The following DNAH11 variants were observed in gnomAD, a reference collection of about 807,000 sequenced individuals.
The protein encoded by DNAH11 is axonemal beta dynein heavy chain 11.
In DNAH11, 442 loss-of-function variants were observed where a neutral mutation model predicts 526.0. That is an observed-to-expected ratio of 0.84 (90% CI 0.78 to 0.91). DNAH11 has a LOEUF of 0.91. Ranked by LOEUF, DNAH11 falls within the 40% of genes least tolerant of loss-of-function variation. The pLI, the probability that DNAH11 is intolerant of heterozygous loss-of-function variation, is 0.00. For synonymous variants in DNAH11, 2,461 were observed against 1,935.9 expected (o/e 1.27, Z -7.12); for missense variants, 6,989 against 5,448.7 (o/e 1.28, Z -8.90).
At chr7:21,646,896 C>G (rs534380326) in intron 28 of DNAH11, among the ~76,000 whole-genome samples, 39 of 152,216 alleles carry the variant, frequency 2.6e-4, no homozygotes, top group Middle Eastern at 3.4e-3. Flanking sequence ...CATTTTTAAG[C>G]AGCGTAAAGT....
At chr7:21,624,669 A>G (rs931472345) in intron 25 of DNAH11, among the ~76,000 whole-genome samples, 4 of 152,116 alleles carry the variant, frequency 2.6e-5, no homozygotes, top group African/African-American at 9.7e-5. Flanking sequence ...GCTGTTGAGT[A>G]TATTAGCTGT....
chr7:21,806,369 A>G (rs933773733), intron 62 of DNAH11, among the ~76,000 whole-genome samples: 1 of 152,240 alleles, frequency 6.6e-6, no homozygotes, highest in Admixed American at 6.5e-5. Context: ...TCTATGGCTG[A>G]GGAACAAAAG....
chr7:21,797,784 C>T lies in DNAH11; in HGVS notation c.10027-3353C>T, dbSNP rs573879763. On this transcript the variant is annotated intron_variant, in intron 61 of 81. Transcript: ENST00000409508. ...TTAAGAGTTACATGCCAAGGGCCAA[C>T]TTTTACCCAAACATTTGCCATTAAG... Among the ~76,000 whole-genome samples the T allele has an allele frequency of 1.2e-3, 183 of 152,214 alleles. 4 individuals are homozygous for T. The South Asian group carries it at 0.037, about 31-fold the overall frequency.
intron 76 of DNAH11, among the ~76,000 whole-genome samples, chr7:21,887,566 A>T (rs1430816400): frequency 6.6e-6 from 1 of 152,230 alleles, no homozygotes; most frequent in Non-Finnish European, 1.5e-5. Flanking sequence ...CCTTGGTTTC[A>T]TAATCTACAA....
intron 49 of DNAH11, 92 bp downstream of exon 49, chr7:21,742,258 A>G: frequency 7.3e-7 from 1 of 1,375,988 alleles, no homozygotes; most frequent in Non-Finnish European, 9.8e-7. Context: ...ATAGAGAAAC[A>G]CCTGAGGCTA....
intron 28 of DNAH11, among the ~76,000 whole-genome samples, chr7:21,643,730 C>T (rs1436836371): frequency 6.6e-6 from 1 of 152,160 alleles, no homozygotes; most frequent in Non-Finnish European, 1.5e-5. Flanking sequence ...ACAGATGTAG[C>T]ATTTTCAGAT....
chr7:21,672,845 A>T (rs958275658), intron 30 of DNAH11, among the ~76,000 whole-genome samples: 10 of 152,182 alleles, frequency 6.6e-5, no homozygotes, highest in African/African-American at 2.4e-4. Context: ...ACCAGCCACC[A>T]CTATGTATCA....
chr7:21,770,182 G>A (rs555021846), intron 55 of DNAH11, among the ~76,000 whole-genome samples: 35 of 152,134 alleles, frequency 2.3e-4, no homozygotes, highest in African/African-American at 8.0e-4. Flanking sequence ...AAAATACTTG[G>A]TACCAGAAAT....
chr7:21,658,641 T>C (rs1782118313), intron 29 of DNAH11, among the ~76,000 whole-genome samples, 157 bp from the exon 30 acceptor site: 2 of 152,150 alleles, frequency 1.3e-5, no homozygotes, highest in African/African-American at 4.8e-5. Context: ...CGTTGTTCAC[T>C]TTCCCCTTTG....
At chr7:21,859,466 G>A (rs1782974419) in intron 68 of DNAH11, among the ~76,000 whole-genome samples, 1 of 152,218 alleles carries the variant, frequency 6.6e-6, no homozygotes, top group South Asian at 2.1e-4. Context: ...ATCTCATTGT[G>A]TATTTGCAAA....
Position 21,600,052 on chromosome 7 carries a change from G to A in DNAH11, c.2933G>A (p.Cys978Tyr), listed in dbSNP as rs769462010. 5.6e-6 allele frequency: 9 copies of A among 1,607,498 alleles called. No individual in the cohort carries two copies. In the Admixed American group the frequency reaches 1.2e-4, roughly 21 times the overall value. Residue 978 changes from cysteine (C) to tyrosine (Y), a missense_variant, in exon 15 of 82, where the codon TGC (cysteine) becomes TAC (tyrosine). By Grantham distance (194) the Cys-to-Tyr change is radical. Transcript: ENST00000409508. ...GFYDLVEEMLCNSFRMSAQMN... is the reference protein window; with the variant it reads ...GFYDLVEEMLYNSFRMSAQMN... ...TATGATCTTGTAGAAGAAATGTTAT[G>A]CAATAGTTTTAGAATGTCTGCCCAG...
rs906659352 is a variant in DNAH11 at position 21,690,753 on chromosome 7, T to A, written c.5925-12T>A. On this transcript the variant is annotated splice_polypyrimidine_tract_variant and intron_variant, in intron 34 of 81. Coordinates refer to ENST00000409508, the MANE Select transcript of DNAH11 (RefSeq NM_001277115.2). ...AACACATTTAATTTCATCAACATTC[T>A]TTTTATGGTAGATTTGTATTTCTTG... 6.3e-7 allele frequency: 1 copy of A among 1,585,726 alleles called. No homozygotes were observed. The highest frequency in any genetic ancestry group is 8.6e-7 in the Non-Finnish European group (1 of 1,158,756).
intron 74 of DNAH11, among the ~76,000 whole-genome samples, chr7:21,877,629 A>C (rs902810710): frequency 6.6e-6 from 1 of 151,848 alleles, no homozygotes; most frequent in African/African-American, 2.4e-5. Context: ...TAATCCCAGC[A>C]CTTTGGGAGG....
At chr7:21,749,603 C>T (rs568428625) in intron 52 of DNAH11, 75 bp from the exon 53 acceptor site, 3 of 1,577,634 alleles carry the variant, frequency 1.9e-6, no homozygotes, top group Non-Finnish European at 2.6e-6. Flanking sequence ...CTGAGTTCTC[C>T]CCAGCACTCA....
At chr7:21,598,535 GT>G (rs1275929682) in intron 14 of DNAH11, among the ~76,000 whole-genome samples, 1 of 151,942 alleles carries the variant, frequency 6.6e-6, no homozygotes, top group Non-Finnish European at 1.5e-5. Context: ...CTAGTCCAGT[GT>G]TTTCTAAACT....
chr7:21,681,826 T>G, intron 31 of DNAH11, 149 bp downstream of exon 31: 1 of 1,017,466 alleles, frequency 9.8e-7, no homozygotes, highest in Non-Finnish European at 1.5e-6. Context: ...TGGGTGCATT[T>G]GATTTTGGTT....
intron 61 of DNAH11, among the ~76,000 whole-genome samples, chr7:21,791,849 G>T (rs1788491801): frequency 1.3e-5 from 2 of 152,186 alleles, no homozygotes; most frequent in Non-Finnish European, 2.9e-5. Context: ...AGTTGGGAAT[G>T]GTTGGTGTGT....
intron 63 of DNAH11, among the ~76,000 whole-genome samples, chr7:21,814,009 A>G (rs1789651930): frequency 6.6e-6 from 1 of 152,236 alleles, no homozygotes; most frequent in Non-Finnish European, 1.5e-5. Flanking sequence ...ACAGCCTATT[A>G]CACACCTAGG....
intron 56 of DNAH11, among the ~76,000 whole-genome samples, chr7:21,774,224 G>A (rs935000230): frequency 1.3e-5 from 2 of 152,126 alleles, no homozygotes; most frequent in African/African-American, 4.8e-5. Flanking sequence ...GCCTGACTCA[G>A]TGTAAGGTAG....
Sources: gnomAD v4.1 joint callset for allele counts (sites outside exome capture counted in the v4.1 genomes callset) on GRCh38, gnomAD v4.1.1 for gene constraint, MANE v1.5 for transcripts, NCBI Gene and HGNC (gene_info 2026-07-23, HGNC 2026-07-21) for gene names.